TBC1D31: variants seen among roughly 807,000 people sequenced by gnomAD.
The protein encoded by TBC1D31 is TBC1 domain family member 31, also known as WD repeat domain 67.
In TBC1D31, 99 loss-of-function variants were observed where a neutral mutation model predicts 132.9. The ratio of observed to expected loss-of-function variants is 0.74; its 90% CI spans 0.63 to 0.88. The LOEUF is 0.88. TBC1D31 is among the 40% of genes least tolerant of loss of function. TBC1D31 has a pLI of 0.00. For missense variants in TBC1D31, 1,134 were observed against 1,256.6 expected, an observed-to-expected ratio of 0.90 and a Z score of 1.48; for synonymous variants, 385 against 419.4, an observed-to-expected ratio of 0.92 and a Z score of 1.00.
chr8:123,149,613 T>C (rs1450522227), intron 20 of TBC1D31, among the ~76,000 whole-genome samples: 1 of 152,242 alleles, frequency 6.6e-6, no homozygotes, highest in African/African-American at 2.4e-5. Context: ...GGCACTGCCC[T>C]GCCTGCTACT....
At chr8:123,074,587 A>G (rs10956114) in intron 1 of TBC1D31, among the ~76,000 whole-genome samples, 53,848 of 152,136 alleles carry the variant, frequency 0.35, 9,573 homozygotes, top group East Asian at 0.49. Flanking sequence ...TCTTGATGAT[A>G]CAAAATATCT....
chr8:123,135,731 C>A (rs1821033265), intron 17 of TBC1D31, among the ~76,000 whole-genome samples: 1 of 152,210 alleles, frequency 6.6e-6, no homozygotes, highest in Non-Finnish European at 1.5e-5. Flanking sequence ...CTTTTAAAGT[C>A]TCCACACTGA....
intron 4 of TBC1D31, among the ~76,000 whole-genome samples, chr8:123,084,577 A>G (rs1815523760): frequency 1.3e-5 from 2 of 152,180 alleles, no homozygotes; most frequent in African/African-American, 2.4e-5. Flanking sequence ...GGCGAAAGTT[A>G]TTTAGTTGAT....
At chr8:123,129,973 T>C (rs1322477995) in intron 15 of TBC1D31, among the ~76,000 whole-genome samples, 1 of 152,200 alleles carries the variant, frequency 6.6e-6, no homozygotes, top group Non-Finnish European at 1.5e-5. Flanking sequence ...ATTTATAGTG[T>C]GGGTTAAAAG....
At chr8:123,144,932 T>A (rs994555945) in intron 20 of TBC1D31, 77 bp downstream of exon 20, 1 of 1,430,718 alleles carries the variant, frequency 7.0e-7, no homozygotes, top group Non-Finnish European at 9.4e-7. Context: ...TATGATTTTT[T>A]TTTTTTTTTG....
At position 123,080,664 on chromosome 8, in the gene TBC1D31, G is replaced by A. The variant is rs145035756; in HGVS notation, c.225-2038G>A. Among the ~76,000 whole-genome samples, 97 of 148,760 alleles carry A rather than the reference G, an allele frequency of 6.5e-4. 3 individuals are homozygous for A. In the East Asian group the frequency reaches 0.018, roughly 28 times the overall value. ...CAATTCTTCTGCCTCAGCCTCCCAA[G>A]TAGCTGGGACTACAGGTATGTGCCA... On this transcript the variant is annotated intron_variant, in intron 2 of 21. Transcript: ENST00000287380.
chr8:123,094,885 T>G (rs2130218191), intron 5 of TBC1D31, among the ~76,000 whole-genome samples: 1 of 152,366 alleles, frequency 6.6e-6, no homozygotes, highest in South Asian at 2.1e-4. Flanking sequence ...CTTAATATTG[T>G]CATATATCTA....
rs780798064 is a variant in TBC1D31, at chr8:123,142,277, T to C, written c.2656T>C (p.Leu886=). 25 of 1,568,394 alleles carry C rather than the reference T, an allele frequency of 1.6e-5. No homozygotes were observed. The highest frequency in any genetic ancestry group is 2.1e-5 in the Non-Finnish European group (25 of 1,162,824). Residue 886 remains leucine, a synonymous_variant, in exon 19 of 22, where the codon TTG becomes CTG. Transcript: ENST00000287380. The part of the protein sequence containing the change: ...QKTQKVIKEN[L]AKAEQACLNT... The stretch of plus-strand genomic sequence containing the variant: ...TTTTTCCTAGGTGATTAAAGAAAAT[T>C]TGGCAAAGGCTGAACAAGCATGCCT...
chr8:123,128,428 AATCAAT>A lies in TBC1D31; in HGVS notation c.2036_2041del (p.Gln679_Tyr680del), dbSNP rs1381381218. The A allele has an allele frequency of 1.9e-6, 3 of 1,613,800 alleles. No homozygotes were observed. The highest frequency in any genetic ancestry group is 2.5e-6 in the Non-Finnish European group (3 of 1,179,820). The stretch of plus-strand genomic sequence containing the variant: ...GACAAAAGGGCAGTATCCAGTATTT[AATCAAT>A]ATCCAAAGTTTATTGTGGACTATCA... On this transcript the variant is annotated inframe_deletion, in exon 14 of 22. Coordinates refer to ENST00000287380, the MANE Select transcript of TBC1D31 (RefSeq NM_145647.4).
chr8:123,158,881 C>A, the TBC1D31 span, among the ~76,000 whole-genome samples: 1 of 152,022 alleles, frequency 6.6e-6, no homozygotes, highest in Non-Finnish European at 1.5e-5. Context: ...CTGCCGGGAC[C>A]CCAGACCCGG....
intron 10 of TBC1D31, among the ~76,000 whole-genome samples, chr8:123,110,132 A>G (rs139181800): frequency 1.3e-5 from 2 of 152,310 alleles, no homozygotes; most frequent in African/African-American, 4.8e-5. Context: ...AGAGCTTTGA[A>G]TTTGAAGGCA....
chr8:123,145,518 G>A (rs114895622), intron 20 of TBC1D31, among the ~76,000 whole-genome samples: 311 of 152,134 alleles, frequency 2.0e-3, no homozygotes, highest in African/African-American at 7.3e-3. Context: ...ATTAGGTTTC[G>A]ATACAAGGCT....
chr8:123,124,098 G>A (rs1038397958), intron 11 of TBC1D31, among the ~76,000 whole-genome samples: 1 of 144,704 alleles, frequency 6.9e-6, no homozygotes, highest in South Asian at 2.2e-4. Context: ...CAACTGTTTT[G>A]TTGACATTCT....
chr8:123,161,401 G>A, the TBC1D31 span, among the ~76,000 whole-genome samples: 7 of 152,336 alleles, frequency 4.6e-5, no homozygotes, highest in African/African-American at 1.4e-4. Context: ...GCCGGCGGTG[G>A]CTGATTTACT....
chr8:123,142,458 TAAA>T lies in TBC1D31; in HGVS notation c.2835+6_2835+8del. 1.3e-6 allele frequency: 2 copies of T among 1,537,036 alleles called. No individual in the cohort carries two copies. The highest frequency in any genetic ancestry group is 2.5e-5 in the South Asian group (2 of 78,724). ...ATGGTGGAGGAGGAAGCCAAGAAGG[TAAA>T]AAATAGTGTTATAAACTTTTTAATA... On this transcript the variant is annotated splice_donor_5th_base_variant and intron_variant, in intron 19 of 21. Transcript: ENST00000287380.
intron 15 of TBC1D31, 96 bp downstream of exon 15, chr8:123,129,314 T>C (rs1820398206): frequency 1.3e-6 from 1 of 790,790 alleles, no homozygotes; most frequent in Non-Finnish European, 1.9e-6. Context: ...CAACATTATA[T>C]ATAGGATTAC....
chr8:123,074,642 ATCCAAATG>A (rs1814306188), intron 1 of TBC1D31, among the ~76,000 whole-genome samples: 1 of 152,244 alleles, frequency 6.6e-6, no homozygotes, highest in African/African-American at 2.4e-5. Context: ...TGGGTTGATT[ATCCAAATG>A]TCTTGTTTGC....
At chr8:123,156,251 G>T (rs1164952622), downstream of TBC1D31, among the ~76,000 whole-genome samples, 4 of 152,106 alleles carry the variant, frequency 2.6e-5, no homozygotes, top group Non-Finnish European at 5.9e-5. Context: ...GACCAGCCTG[G>T]TCAACGTAGT....
At chr8:123,117,230 G>T (rs1237694927) in intron 10 of TBC1D31, among the ~76,000 whole-genome samples, 1 of 151,548 alleles carries the variant, frequency 6.6e-6, no homozygotes, top group Admixed American at 6.6e-5. Flanking sequence ...CAGGAAAATC[G>T]CTTGAACCTG....
Sources: allele counts gnomAD v4.1 joint callset (sites outside exome capture counted in the v4.1 genomes callset), GRCh38; gene constraint gnomAD v4.1.1; transcripts MANE v1.5; gene names NCBI Gene and HGNC (gene_info 2026-07-23, HGNC 2026-07-21).